KIAA1549: variants seen among roughly 807,000 people sequenced by gnomAD.
The protein encoded by KIAA1549 is UPF0606 protein KIAA1549.
KIAA1549 carries 70 observed loss-of-function variants against 156.4 expected under a neutral mutation model. The ratio of observed to expected loss-of-function variants is 0.45; its 90% CI spans 0.37 to 0.55. The LOEUF is 0.55. Ranked by LOEUF, KIAA1549 falls within the 20% of genes least tolerant of loss-of-function variation. The pLI is 0.00. For missense variants in KIAA1549, 2,428 were observed against 2,540.9 expected, an observed-to-expected ratio of 0.96 and a Z score of 0.96; for synonymous variants, 1,103 against 1,066.4, an observed-to-expected ratio of 1.03 and a Z score of -0.67.
rs1299612581 is a variant in KIAA1549, at chr7:138,879,601, C to G, written c.4282G>C (p.Asp1428His). 1.3e-6 allele frequency: 2 copies of G among 1,567,050 alleles called. No individual in the cohort carries two copies. The highest frequency in any genetic ancestry group is 1.7e-6 in the Non-Finnish European group (2 of 1,155,804). ...GCTCCCGGCGTCTTATCTCCTGCGT[C>G]CCTCTCGCTGGACTCTTCACTGACC... ...STVSEESSER[D>H]AGDKTPGAVN... Residue 1428 changes from aspartate (D) to histidine (H), a missense_variant, in exon 12 of 20, where the codon GAC (aspartate) becomes CAC (histidine). By Grantham distance (81) the Asp-to-His change is moderately conservative. This residue lies in a region of KIAA1549 where 404 missense variants were observed against 417.0 expected (regional missense o/e 0.97). Transcript: ENST00000422774.
intron 5 of KIAA1549, 54 bp downstream of exon 5, chr7:138,908,937 A>G (rs925583599): frequency 6.2e-7 from 1 of 1,603,436 alleles, no homozygotes; most frequent in African/African-American, 1.3e-5. Flanking sequence ...AATGTGGAAC[A>G]ATTTCCCCTT....
chr7:138,853,733 G>A (rs1359178523), intron 16 of KIAA1549, among the ~76,000 whole-genome samples: 1 of 152,170 alleles, frequency 6.6e-6, no homozygotes, highest in African/African-American at 2.4e-5. Context: ...GAGGGTTATG[G>A]AGGAAGGGAG....
intron 1 of KIAA1549, among the ~76,000 whole-genome samples, chr7:138,936,634 T>C (rs1450283480): frequency 6.6e-6 from 1 of 152,088 alleles, no homozygotes; most frequent in African/African-American, 2.4e-5. Context: ...GGGTGGTGTC[T>C]TAAGCCCCAT....
At chr7:138,935,572 G>A (rs1812986742) in intron 1 of KIAA1549, among the ~76,000 whole-genome samples, 2 of 152,118 alleles carry the variant, frequency 1.3e-5, no homozygotes, top group South Asian at 4.1e-4. Flanking sequence ...TCAGCTTCCA[G>A]ATAATCTTCT....
At chr7:138,940,749 A>G (rs1813160482) in intron 1 of KIAA1549, among the ~76,000 whole-genome samples, 3 of 152,240 alleles carry the variant, frequency 2.0e-5, no homozygotes, top group African/African-American at 4.8e-5. Context: ...TTTGATTTGC[A>G]TTTCTCTGAT....
At chr7:138,840,086 G>C (rs777299522) in intron 19 of KIAA1549, 47 bp downstream of exon 19, 42 of 1,517,762 alleles carry the variant, frequency 2.8e-5, no homozygotes, top group Non-Finnish European at 3.7e-5. Context: ...CACCGCACCT[G>C]GCCTATGTCT....
chr7:138,913,432 T>C (rs374621281), intron 2 of KIAA1549, among the ~76,000 whole-genome samples: 1 of 152,218 alleles, frequency 6.6e-6, no homozygotes, highest in South Asian at 2.1e-4. Flanking sequence ...TCTATACTAA[T>C]AAGTAAGCCT....
chr7:138,898,789 A>G (rs1811759614), intron 9 of KIAA1549, among the ~76,000 whole-genome samples, 166 bp downstream of exon 9: 1 of 152,224 alleles, frequency 6.6e-6, no homozygotes, highest in Admixed American at 6.5e-5. Context: ...AAGCAATTGA[A>G]ATCCAAATAA....
chr7:138,965,281 C>T (rs1813985946), intron 1 of KIAA1549, among the ~76,000 whole-genome samples: 1 of 152,176 alleles, frequency 6.6e-6, no homozygotes, highest in Admixed American at 6.5e-5. Flanking sequence ...GAATGTATAT[C>T]ATTTTTATAA....
Position 138,836,905 on chromosome 7 carries a change from AATT to A in KIAA1549, c.*998_*1000del, listed in dbSNP as rs1809725589. 8.8e-6 allele frequency: 2 copies of A among 226,040 alleles called. No individual in the cohort carries two copies. The highest frequency in any genetic ancestry group is 1.8e-5 in the Non-Finnish European group (2 of 113,792). 14.0% of individuals were successfully genotyped at this position (226,040 alleles called of 1,614,324 possible). A position where few individuals can be genotyped will look rare whatever the true frequency, so the allele number is the denominator to read the frequency against. ...TGTATAACAATTTCGTGGTGCTGGG[AATT>A]ATTAAATAACTTCTGCTTACAGAAG... On this transcript the variant is annotated 3_prime_UTR_variant, in exon 20 of 20. Transcript: ENST00000422774.
rs185096165 is a variant in KIAA1549, at chr7:138,840,032, C to T, written c.5598+101G>A. 1,042 of 1,035,040 alleles carry T rather than the reference C, an allele frequency of 1.0e-3. 9 individuals are homozygous for T. In the African/African-American group the frequency reaches 0.015, roughly 15 times the overall value. 64.1% of individuals were successfully genotyped at this position (1,035,040 alleles called of 1,614,324 possible). On this transcript the variant is annotated intron_variant, in intron 19 of 19. Coordinates refer to ENST00000422774, the MANE Select transcript of KIAA1549 (RefSeq NM_001164665.2). ...GTCTCAAACTCCTGACTTCGTGATCCGCCCGCCTCGGCCTCCCAAAGTGCT... is the reference window on the plus strand; with the variant it reads ...GTCTCAAACTCCTGACTTCGTGATCTGCCCGCCTCGGCCTCCCAAAGTGCT...
intron 1 of KIAA1549, among the ~76,000 whole-genome samples, chr7:138,921,419 T>C (rs1305487845): frequency 1.3e-5 from 2 of 152,228 alleles, no homozygotes; most frequent in Non-Finnish European, 2.9e-5. Flanking sequence ...ATGGCTTATG[T>C]ATTACGTGCT....
At chr7:138,887,054 A>G (rs1197062207) in intron 10 of KIAA1549, among the ~76,000 whole-genome samples, 3 of 151,882 alleles carry the variant, frequency 2.0e-5, no homozygotes, top group East Asian at 3.9e-4. Context: ...GGCGTGCACC[A>G]CCACGTCTGG....
intron 1 of KIAA1549, among the ~76,000 whole-genome samples, chr7:138,956,922 G>GCTTTAACAGTGA (rs59050569): frequency 6.6e-6 from 1 of 151,846 alleles, no homozygotes; most frequent in South Asian, 2.1e-4. Flanking sequence ...AGGTGGAGGG[G>GCTTTAACAGTGA]CTAAGGCACA....
chr7:138,868,849 G>A (rs755479191), intron 14 of KIAA1549, among the ~76,000 whole-genome samples: 1 of 152,218 alleles, frequency 6.6e-6, no homozygotes, highest in Non-Finnish European at 1.5e-5. Flanking sequence ...GCCGTCTCCT[G>A]GGTGGCAGTT....
intron 1 of KIAA1549, among the ~76,000 whole-genome samples, chr7:138,944,237 C>G (rs1266302924): frequency 6.6e-6 from 1 of 152,156 alleles, no homozygotes; most frequent in Middle Eastern, 3.2e-3. Flanking sequence ...CCCCAGCCCC[C>G]ACACTACCCC....
chr7:138,951,280 T>C (rs1410124265), intron 1 of KIAA1549, among the ~76,000 whole-genome samples: 1 of 152,132 alleles, frequency 6.6e-6, no homozygotes, highest in African/African-American at 2.4e-5. Context: ...ATCACAGGAT[T>C]CAGGGTTCAC....
intron 1 of KIAA1549, among the ~76,000 whole-genome samples, chr7:138,977,427 C>A (rs1584797270): frequency 6.6e-6 from 1 of 152,134 alleles, no homozygotes; most frequent in African/African-American, 2.4e-5. Flanking sequence ...ACATTCAATG[C>A]CAGTGATGAA....
intron 5 of KIAA1549, among the ~76,000 whole-genome samples, 186 bp downstream of exon 5, chr7:138,908,805 C>T (rs1006756925): frequency 1.3e-5 from 2 of 152,136 alleles, no homozygotes; most frequent in African/African-American, 2.4e-5. Context: ...ACTCTGCAAC[C>T]CTCAAAGATG....
Sources: gnomAD v4.1 joint callset for allele counts (sites outside exome capture counted in the v4.1 genomes callset) on GRCh38, gnomAD v4.1.1 for gene constraint, gnomAD v4.1.1 regional missense constraint, MANE v1.5 for transcripts, NCBI Gene and HGNC (gene_info 2026-07-23, HGNC 2026-07-21) for gene names.